Variants in GNA14 observed in about 807,000 individuals in gnomAD.
GNA14 encodes G protein subunit alpha 14.
A neutral mutation model predicts 42.0 loss-of-function variants in GNA14; 50 were observed. The observed-to-expected ratio is 1.19, with a 90% confidence interval of 0.95 to 1.51. The LOEUF (loss-of-function observed/expected upper bound fraction) is 1.51, where lower values mean the gene tolerates loss of function less well. Among genes scored for constraint, GNA14 ranks in the 40% most tolerant of loss-of-function variants. GNA14 has a pLI of 0.00. For missense variants in GNA14, 473 were observed against 446.2 expected (o/e 1.06, Z -0.54); for synonymous variants, 173 against 163.1 (o/e 1.06, Z -0.46).
chr9:77,512,706 T>C (rs910284242), intron 2 of GNA14, among the ~76,000 whole-genome samples: 1 of 152,220 alleles, frequency 6.6e-6, no homozygotes, highest in Non-Finnish European at 1.5e-5. Context: ...TATAGATTGA[T>C]AATCTTTTTA....
At chr9:77,615,702 TACACACACACACACACACACACAC>T (rs59087574) in intron 1 of GNA14, among the ~76,000 whole-genome samples, 82 of 134,466 alleles carry the variant, frequency 6.1e-4, no homozygotes, top group African/African-American at 1.7e-3. Flanking sequence ...GAAAATGAAA[TACACACACACACACACACACACAC>T]ACACACACAC....
chr9:77,498,429 AT>A (rs1305015049), intron 2 of GNA14, among the ~76,000 whole-genome samples: 1 of 151,906 alleles, frequency 6.6e-6, no homozygotes, highest in Non-Finnish European at 1.5e-5. Context: ...CAGGGCAAGA[AT>A]TTGGGTCTGT....
At chr9:77,551,127 A>C (rs1373066836) in intron 1 of GNA14, among the ~76,000 whole-genome samples, 1 of 152,036 alleles carries the variant, frequency 6.6e-6, no homozygotes, top group African/African-American at 2.4e-5. Context: ...TTAGCTGAAA[A>C]TTTTCATTAT....
intron 2 of GNA14, among the ~76,000 whole-genome samples, chr9:77,470,212 A>C (rs1836307338): frequency 6.6e-6 from 1 of 152,046 alleles, no homozygotes; most frequent in South Asian, 2.1e-4. Flanking sequence ...TGGGGTGGAG[A>C]GACAGTGGCC....
chr9:77,512,778 G>C (rs755507099), intron 2 of GNA14, among the ~76,000 whole-genome samples: 2 of 151,984 alleles, frequency 1.3e-5, no homozygotes, highest in Non-Finnish European at 2.9e-5. Flanking sequence ...ACAAACCCCC[G>C]CTAAAAGGCA....
rs7851970 is a variant in GNA14, at chr9:77,469,608, T to C, written c.310-35086A>G. ...GTGGACAACCCTAACTTCCCAGAAG[T>C]TCTTAATCATATAGGAGTATCAAAA... is the stretch of plus-strand genomic sequence containing the variant. On this transcript the variant is annotated intron_variant, in intron 2 of 6. Coordinates refer to ENST00000341700, the MANE Select transcript of GNA14 (RefSeq NM_004297.4). Among the ~76,000 whole-genome samples, 1,354 of 151,326 alleles carry C rather than the reference T, an allele frequency of 8.9e-3. 23 individuals carry two copies. The highest frequency in any genetic ancestry group is 0.031 in the African/African-American group (1,271 of 41,252).
intron 2 of GNA14, among the ~76,000 whole-genome samples, chr9:77,475,487 G>C (rs1008880967): frequency 2.0e-5 from 3 of 152,190 alleles, no homozygotes; most frequent in African/African-American, 4.8e-5. Flanking sequence ...GTGGGGCTTA[G>C]GCCCTAGGAG....
chr9:77,576,727 G>A (rs900972376), intron 1 of GNA14, among the ~76,000 whole-genome samples: 1 of 151,778 alleles, frequency 6.6e-6, no homozygotes, highest in African/African-American at 2.4e-5. Context: ...CAAATTTTAC[G>A]GAGATGCTCT....
At chr9:77,565,199 T>G (rs930940224) in intron 1 of GNA14, among the ~76,000 whole-genome samples, 2 of 152,332 alleles carry the variant, frequency 1.3e-5, no homozygotes, top group East Asian at 3.9e-4. Context: ...ATGCCATTCC[T>G]GTAAATCTCT....
chr9:77,493,110 GGTGGT>G (rs1836813392), intron 2 of GNA14, among the ~76,000 whole-genome samples: 1 of 149,070 alleles, frequency 6.7e-6, no homozygotes, highest in South Asian at 2.1e-4. Context: ...CACTAACAGT[GGTGGT>G]GTGGGTATGG....
intron 2 of GNA14, among the ~76,000 whole-genome samples, chr9:77,461,273 C>G (rs1449304452): frequency 6.6e-6 from 1 of 152,208 alleles, no homozygotes; most frequent in African/African-American, 2.4e-5. Flanking sequence ...GCTAACAATG[C>G]AGAATCTCGG....
At chr9:77,551,782 C>G (rs903932586) in intron 1 of GNA14, among the ~76,000 whole-genome samples, 1 of 151,824 alleles carries the variant, frequency 6.6e-6, no homozygotes, top group African/African-American at 2.4e-5. Flanking sequence ...TTCTTCATGG[C>G]TCATTTGGTA....
chr9:77,620,805 A>ATGTG (rs1823908612), intron 1 of GNA14, among the ~76,000 whole-genome samples: 1 of 140,442 alleles, frequency 7.1e-6, no homozygotes. Context: ...CCAAGATCAC[A>ATGTG]CCACTGCACT....
At chr9:77,626,830 G>C (rs925035366) in intron 1 of GNA14, among the ~76,000 whole-genome samples, 21 of 152,080 alleles carry the variant, frequency 1.4e-4, no homozygotes, top group African/African-American at 5.1e-4. Flanking sequence ...AAGAACTAGA[G>C]AAGCAAGAGC....
chr9:77,446,317 G>A (rs902878283), intron 2 of GNA14, among the ~76,000 whole-genome samples: 1 of 152,208 alleles, frequency 6.6e-6, no homozygotes, highest in Non-Finnish European at 1.5e-5. Flanking sequence ...CACCAGCAAG[G>A]CTTCAATTTA....
chr9:77,624,085 G>A (rs1587852266), intron 1 of GNA14, among the ~76,000 whole-genome samples: 1 of 152,148 alleles, frequency 6.6e-6, no homozygotes, highest in South Asian at 2.1e-4. Context: ...TGCTGGGAGG[G>A]AGGGGCATCC....
intron 2 of GNA14, among the ~76,000 whole-genome samples, chr9:77,448,138 C>G (rs10869925): frequency 0.12 from 17,646 of 152,178 alleles, 1,391 homozygotes; most frequent in East Asian, 0.29. Context: ...GATCTGCCTG[C>G]TTTCAAACCT....
intron 1 of GNA14, among the ~76,000 whole-genome samples, chr9:77,582,011 G>A (rs1035639994): frequency 1.3e-5 from 2 of 152,228 alleles, no homozygotes; most frequent in Admixed American, 6.5e-5. Flanking sequence ...CCAGCTCCCT[G>A]AAGCTCATAA....
chr9:77,506,096 C>T (rs2131746469), intron 2 of GNA14, among the ~76,000 whole-genome samples: 1 of 150,680 alleles, frequency 6.6e-6, no homozygotes, highest in Middle Eastern at 3.5e-3. Flanking sequence ...AGACCCCATC[C>T]TCTACAAAAA....
Sources: allele counts gnomAD v4.1 joint callset (sites outside exome capture counted in the v4.1 genomes callset), GRCh38; gene constraint gnomAD v4.1.1; transcripts MANE v1.5; gene names NCBI Gene and HGNC (gene_info 2026-07-23, HGNC 2026-07-21).